ADK: variants seen among roughly 807,000 people sequenced by gnomAD.
ADK encodes adenosine kinase, also known as N6,N6-dimethyladenosine kinase.
In ADK, 24 loss-of-function variants were observed where a neutral mutation model predicts 44.7. That is an observed-to-expected ratio of 0.54 (90% CI 0.39 to 0.76). The LOEUF (loss-of-function observed/expected upper bound fraction) is 0.76, where lower values mean the gene tolerates loss of function less well. Among genes scored for constraint, ADK ranks in the 30% least tolerant of loss-of-function variants. ADK has a pLI of 0.00. For missense variants in ADK, 321 were observed against 425.1 expected, an observed-to-expected ratio of 0.76 and a Z score of 2.15; for synonymous variants, 128 against 142.6, an observed-to-expected ratio of 0.90 and a Z score of 0.73.
intron 6 of ADK, among the ~76,000 whole-genome samples, chr10:74,446,615 A>G (rs932061620): frequency 6.6e-6 from 1 of 152,178 alleles, no homozygotes; most frequent in Non-Finnish European, 1.5e-5. Flanking sequence ...GAAGGTGGAT[A>G]ATTGTACATT....
At chr10:74,553,793 C>T (rs952442791) in intron 7 of ADK, among the ~76,000 whole-genome samples, 15 of 151,982 alleles carry the variant, frequency 9.9e-5, no homozygotes, top group African/African-American at 3.4e-4. Flanking sequence ...ATTTAAGATC[C>T]GTACATCGTA....
At chr10:74,708,082 C>T (rs1227162320) in intron 10 of ADK, among the ~76,000 whole-genome samples, 6 of 142,224 alleles carry the variant, frequency 4.2e-5, no homozygotes, top group African/African-American at 1.1e-4. Flanking sequence ...ACCTGGGAGG[C>T]GGAGGTTGCA....
At chr10:74,230,615 A>G (rs566299726) in intron 3 of ADK, among the ~76,000 whole-genome samples, 4 of 151,820 alleles carry the variant, frequency 2.6e-5, no homozygotes, top group Admixed American at 1.3e-4. Context: ...CCTGACCTCA[A>G]GCAGTCCTCC....
intron 6 of ADK, among the ~76,000 whole-genome samples, chr10:74,429,765 T>C (rs1844918961): frequency 6.6e-6 from 1 of 152,194 alleles, no homozygotes; most frequent in African/African-American, 2.4e-5. Context: ...GTCAGTACAC[T>C]AAAAGCAAAT....
At chr10:74,588,685 C>T (rs1161498693) in intron 7 of ADK, among the ~76,000 whole-genome samples, 2 of 152,190 alleles carry the variant, frequency 1.3e-5, no homozygotes, top group Non-Finnish European at 2.9e-5. Flanking sequence ...GCATCGATCA[C>T]TGGGTTAAAG....
At chr10:74,179,369 G>A (rs779372058) in intron 1 of ADK, among the ~76,000 whole-genome samples, 1 of 152,070 alleles carries the variant, frequency 6.6e-6, no homozygotes, top group Non-Finnish European at 1.5e-5. Flanking sequence ...ACCTACCAGG[G>A]TGCATTCCTA....
intron 3 of ADK, among the ~76,000 whole-genome samples, chr10:74,234,666 G>A (rs2132277988): frequency 6.6e-6 from 1 of 152,260 alleles, no homozygotes; most frequent in East Asian, 1.9e-4. Flanking sequence ...AGAGGATAAA[G>A]TGAGCTCATA....
rs1845331223 is a variant in ADK, at chr10:74,439,769, A to G, written c.555+41190A>G. On this transcript the variant is annotated intron_variant, in intron 6 of 10. Coordinates refer to ENST00000539909, the MANE Select transcript of ADK (RefSeq NM_006721.4). ...ACATATAATTAAATATCTAATGTTAAATCATTTTATGTTATTTTAATGTTT... is the reference window on the plus strand; with the variant it reads ...ACATATAATTAAATATCTAATGTTAGATCATTTTATGTTATTTTAATGTTT... Among the ~76,000 whole-genome samples the G allele has an allele frequency of 2.0e-5, 3 of 152,234 alleles. No individual in the cohort carries two copies. The South Asian group carries it at 6.2e-4, about 32-fold the overall frequency.
At chr10:74,176,692 C>T (rs931145159) in intron 1 of ADK, 4 of 1,450,174 alleles carry the variant, frequency 2.8e-6, no homozygotes, top group Non-Finnish European at 3.6e-6. Context: ...CGCCCGCCTT[C>T]CCTCCAATCA....
At chr10:74,377,620 T>C (rs926974466) in intron 4 of ADK, among the ~76,000 whole-genome samples, 1 of 152,190 alleles carries the variant, frequency 6.6e-6, no homozygotes, top group Non-Finnish European at 1.5e-5. Context: ...TCAGGAAGGA[T>C]TGCTTTGTAA....
chr10:74,470,967 A>G (rs190459189), intron 6 of ADK, among the ~76,000 whole-genome samples: 8 of 152,270 alleles, frequency 5.3e-5, no homozygotes, highest in South Asian at 2.1e-4. Flanking sequence ...TTATATACAC[A>G]ATAAGGTAAG....
At chr10:74,548,060 G>A (rs945428849) in intron 7 of ADK, among the ~76,000 whole-genome samples, 4 of 152,184 alleles carry the variant, frequency 2.6e-5, no homozygotes, top group Non-Finnish European at 5.9e-5. Context: ...CCAAAGTGCT[G>A]GGATTACAGG....
intron 3 of ADK, among the ~76,000 whole-genome samples, chr10:74,235,131 T>C (rs1844911179): frequency 6.8e-6 from 1 of 147,192 alleles, no homozygotes; most frequent in African/African-American, 2.7e-5. Context: ...ATTATCCCTT[T>C]TTTTTTTTTT....
intron 6 of ADK, among the ~76,000 whole-genome samples, chr10:74,480,374 A>T (rs1038100535): frequency 6.6e-6 from 1 of 151,900 alleles, no homozygotes; most frequent in African/African-American, 2.4e-5. Context: ...GACTACAGGC[A>T]TGTGCCACCA....
intron 3 of ADK, among the ~76,000 whole-genome samples, chr10:74,228,377 T>G (rs1008574727): frequency 5.9e-5 from 9 of 152,240 alleles, no homozygotes; most frequent in Non-Finnish European, 1.0e-4. Flanking sequence ...ATAGGATTTA[T>G]AGTTTGTTCT....
At chr10:74,619,050 GTGTGTGTGTT>G (rs1406197236) in intron 9 of ADK, among the ~76,000 whole-genome samples, 7 of 137,482 alleles carry the variant, frequency 5.1e-5, no homozygotes, top group African/African-American at 1.9e-4. Context: ...GTGTGTGTGT[GTGTGTGTGTT>G]TTACCCCTTT....
intron 6 of ADK, among the ~76,000 whole-genome samples, chr10:74,416,039 C>T (rs1430561865): frequency 4.1e-3 from 116 of 28,272 alleles, no homozygotes; most frequent in African/African-American, 6.3e-3. Context: ...TATATACACA[C>T]ACACACACAC....
chr10:74,708,561 C>A lies in ADK; in HGVS notation c.*116C>A. 1.7e-6 allele frequency: 2 copies of A among 1,192,852 alleles called. No individual in the cohort carries two copies. The highest frequency in any genetic ancestry group is 2.4e-6 in the Non-Finnish European group (2 of 844,824). 73.9% of individuals were successfully genotyped at this position (1,192,852 alleles called of 1,614,324 possible). A position where few individuals can be genotyped will look rare whatever the true frequency, so the allele number is the denominator to read the frequency against. On this transcript the variant is annotated 3_prime_UTR_variant, in exon 11 of 11. Transcript: ENST00000539909. ...GCCATTTTTTCCTACTATAATAATG[C>A]TGAATCTTAATTTAGAGGGTACAAG...
intron 4 of ADK, 135 bp from the exon 5 acceptor site, chr10:74,394,006 C>G (rs906938916): frequency 1.3e-5 from 12 of 896,796 alleles, no homozygotes; most frequent in Admixed American, 7.0e-5. Context: ...AGTGATAGCA[C>G]AGAATTGAAA....
Sources: gnomAD v4.1 joint callset for allele counts (sites outside exome capture counted in the v4.1 genomes callset) on GRCh38, gnomAD v4.1.1 for gene constraint, MANE v1.5 for transcripts, NCBI Gene and HGNC (gene_info 2026-07-23, HGNC 2026-07-21) for gene names.